Variants in GPR107 observed in about 807,000 individuals in gnomAD.
GPR107 encodes G protein-coupled receptor 107.
In GPR107, 31 loss-of-function variants were observed where a neutral mutation model predicts 75.5. The ratio of observed to expected loss-of-function variants is 0.41; its 90% CI spans 0.31 to 0.55. The LOEUF (loss-of-function observed/expected upper bound fraction) is 0.55, where lower values mean the gene tolerates loss of function less well. GPR107 is among the 20% of genes least tolerant of loss of function. GPR107 has a pLI of 0.26. For synonymous variants in GPR107, 267 were observed against 251.3 expected (o/e 1.06, Z -0.59); for missense variants, 572 against 665.7 (o/e 0.86, Z 1.55).
intron 14 of GPR107, among the ~76,000 whole-genome samples, chr9:130,120,125 C>T (rs1831515605): frequency 1.3e-5 from 2 of 152,208 alleles, no homozygotes; most frequent in Non-Finnish European, 2.9e-5. Flanking sequence ...CAACTGTGAG[C>T]TCTGCTTATT....
intron 1 of GPR107, among the ~76,000 whole-genome samples, chr9:130,058,569 A>G (rs1316158631): frequency 6.6e-6 from 1 of 151,504 alleles, no homozygotes; most frequent in Non-Finnish European, 1.5e-5. Flanking sequence ...GGTTCAGGCG[A>G]TTCTCCTGCC....
intron 14 of GPR107, among the ~76,000 whole-genome samples, chr9:130,124,097 C>T (rs946026152): frequency 1.3e-5 from 2 of 152,216 alleles, no homozygotes; most frequent in South Asian, 2.1e-4. Flanking sequence ...CCTCCCTCCC[C>T]GACAACTAAT....
Position 130,076,431 on chromosome 9 carries a change from G to A in GPR107, c.275G>A (p.Arg92His), listed in dbSNP as rs201707508. The A allele has an allele frequency of 6.6e-5, 104 of 1,575,880 alleles. No homozygotes were observed. The highest frequency in any genetic ancestry group is 8.1e-5 in the African/African-American group (6 of 74,164). Residue 92 changes from arginine to histidine, a missense_variant, in exon 3 of 18, where the codon CGT (arginine) becomes CAT (histidine). Arg to His is a conservative substitution (Grantham distance 29). Transcript: ENST00000347136. ...KDVTIGFSLD[R>H]TKNDGFSSYL... ...CATTAGATTGGATTTAGCCTAGACC[G>A]TACAAAGAATGATGGCTTTTCTTCT... is the stretch of plus-strand genomic sequence containing the variant.
At position 130,057,055 on chromosome 9, in the gene GPR107, T is replaced by C. The variant is rs188936797; in HGVS notation, c.141+2982T>C. On this transcript the variant is annotated intron_variant, in intron 1 of 17. Transcript: ENST00000347136. ...TCTTGCCCAAGGAAATGGAAATCATTTGAAGAGAGCCTGTCAGAGCAGCAA... is the reference window on the plus strand; with the variant it reads ...TCTTGCCCAAGGAAATGGAAATCATCTGAAGAGAGCCTGTCAGAGCAGCAA... 3.8e-3 allele frequency among the ~76,000 whole-genome samples: 574 copies of C among 151,862 alleles called. 6 individuals are homozygous for C. The highest frequency in any genetic ancestry group is 5.6e-3 in the Non-Finnish European group (381 of 67,984).
At position 130,107,716 on chromosome 9, in the gene GPR107, G is replaced by T. The variant is rs1200468035; in HGVS notation, c.1306+177G>T. Among the ~76,000 whole-genome samples, 3 of 152,174 alleles carry T rather than the reference G, an allele frequency of 2.0e-5. No homozygotes were observed. The East Asian group carries it at 5.8e-4, about 29-fold the overall frequency. On this transcript the variant is annotated intron_variant, in intron 14 of 17. Transcript: ENST00000347136. ...AGCCAGGGGTAGTTTGGAGAAGGAG[G>T]TGTTGAGTCAGTTGTATAAGGAGGA...
At position 130,137,519 on chromosome 9, in the gene GPR107, A is replaced by G. The variant is rs1477958313; in HGVS notation, c.*2398A>G. 2 of 152,278 alleles carry G rather than the reference A, an allele frequency of 1.3e-5. No homozygotes were observed. The highest frequency in any genetic ancestry group is 2.4e-5 in the African/African-American group (1 of 41,480). The allele number at this position is 152,278 out of a possible 1,614,324, so 9.4% of individuals were successfully genotyped here. A position where few individuals can be genotyped will look rare whatever the true frequency, so the allele number is the denominator to read the frequency against. ...GGCCATGTCTGTATTGTAACTGGTA[A>G]AAGGCTTCAAGTCAGATTGATGATC... On this transcript the variant is annotated 3_prime_UTR_variant, in exon 18 of 18. Coordinates refer to ENST00000347136, the MANE Select transcript of GPR107 (RefSeq NM_020960.5).
At chr9:130,054,479 C>A (rs1829688261) in intron 1 of GPR107, among the ~76,000 whole-genome samples, 1 of 152,174 alleles carries the variant, frequency 6.6e-6, no homozygotes, top group Non-Finnish European at 1.5e-5. Flanking sequence ...TGTACTGTAC[C>A]GGCGGTTTGA....
Position 130,099,520 on chromosome 9 carries a change from G to A in GPR107, c.927G>A (p.Leu309=), listed in dbSNP as rs1405632030. The A allele has an allele frequency of 6.3e-7, 1 of 1,588,092 alleles. No individual in the cohort carries two copies. Among genetic ancestry groups the A allele is most frequent in the East Asian group, 2.2e-5 (1 of 44,730 alleles). Residue 309 remains leucine (L), a synonymous_variant, in exon 10 of 18, where the codon TTG becomes TTA. Transcript: ENST00000347136. The part of the protein sequence containing the change: ...AALPFTKSLS[L]VFHAIDYHYI... The stretch of plus-strand genomic sequence containing the variant: ...TTCCTTTCACCAAGTCTCTTTCCTT[G>A]GTGTTCCATGCAGTATGTATTAGCA...
intron 6 of GPR107, 78 bp from the exon 7 acceptor site, chr9:130,086,342 T>G: frequency 2.6e-6 from 2 of 766,908 alleles, no homozygotes; most frequent in Non-Finnish European, 4.5e-6. Context: ...ACATGTTTTG[T>G]TTTGTTTAAT....
chr9:130,133,716 C>A (rs1564689135), intron 17 of GPR107, among the ~76,000 whole-genome samples: 2 of 152,202 alleles, frequency 1.3e-5, no homozygotes, highest in South Asian at 2.1e-4. Flanking sequence ...CTTTTAGAGT[C>A]ACTTATAGCA....
In GPR107 at chr9:130,137,698, C is replaced by A. The variant is rs78119733; in HGVS notation, c.*2577C>A. 6.6e-6 allele frequency: 1 copy of A among 152,236 alleles called. No homozygotes were observed. The highest frequency in any genetic ancestry group is 2.4e-5 in the African/African-American group (1 of 41,456). 9.4% of individuals were successfully genotyped at this position (152,236 alleles called of 1,614,324 possible). A position where few individuals can be genotyped will look rare whatever the true frequency, so the allele number is the denominator to read the frequency against. On this transcript the variant is annotated 3_prime_UTR_variant, in exon 18 of 18. Transcript: ENST00000347136. ...GACCCACCGTTCATCTCTGCTCTTG[C>A]GTAAAGATGACCGATGGAGTCCAAA...
intron 4 of GPR107, among the ~76,000 whole-genome samples, chr9:130,078,626 A>G (rs1830417668): frequency 6.6e-6 from 1 of 152,118 alleles, no homozygotes; most frequent in Non-Finnish European, 1.5e-5. Context: ...TGCTGATGTT[A>G]GGGACTCTGG....
At chr9:130,093,254 T>C (rs1830784447) in intron 9 of GPR107, among the ~76,000 whole-genome samples, 1 of 152,182 alleles carries the variant, frequency 6.6e-6, no homozygotes, top group Admixed American at 6.5e-5. Context: ...TGTACTTGGT[T>C]CTTGAGGGGA....
chr9:130,092,191 CTGAATAAGGGATGATATGTTT>C (rs1430844909), intron 8 of GPR107, 36 bp from the exon 9 acceptor site: 4 of 1,464,464 alleles, frequency 2.7e-6, no homozygotes, highest in Non-Finnish European at 3.8e-6. Context: ...TTCCAAATTG[CTGAATAAGGGATGATATGTTT>C]CTGAAAAGTA....
chr9:130,090,585 A>G (rs1295854640), intron 7 of GPR107, among the ~76,000 whole-genome samples: 1 of 152,194 alleles, frequency 6.6e-6, no homozygotes, highest in Non-Finnish European at 1.5e-5. Context: ...TCACTATACA[A>G]TTGTCAGCTG....
At chr9:130,126,561 G>T (rs1378216627) in intron 15 of GPR107, among the ~76,000 whole-genome samples, 2 of 152,044 alleles carry the variant, frequency 1.3e-5, no homozygotes, top group African/African-American at 4.8e-5. Context: ...TGTTGGTCAG[G>T]CTGGTCTCGA....
In GPR107 at chr9:130,086,465, G is replaced by A; in HGVS notation, c.610G>A (p.Val204Met). 1 of 1,545,270 alleles carries A rather than the reference G, an allele frequency of 6.5e-7. No individual in the cohort carries two copies. The highest frequency in any genetic ancestry group is 8.9e-7 in the Non-Finnish European group (1 of 1,117,428). Residue 204 changes from valine to methionine, a missense_variant, in exon 7 of 18, where the codon GTG becomes ATG. Physicochemically the swap from Val to Met is conservative, Grantham distance 21. Transcript: ENST00000347136. Reference sequence around the variant, plus strand: ...TTCTGTTCATAATAATGGTGGGGCAGTGTCATTTCAGGTATGTATGCTCTT... The same window carrying A: ...TTCTGTTCATAATAATGGTGGGGCAATGTCATTTCAGGTATGTATGCTCTT... ...SFSVHNNGGA[V>M]SFQFFFNIST...
chr9:130,054,171 C>T (rs900192588), intron 1 of GPR107, 98 bp downstream of exon 1: 1 of 1,161,844 alleles, frequency 8.6e-7, no homozygotes, highest in South Asian at 1.6e-5. Context: ...AGCCACTGGA[C>T]CACCTCTTTG....
chr9:130,076,286 T>G, intron 2 of GPR107, 126 bp from the exon 3 acceptor site: 1 of 598,700 alleles, frequency 1.7e-6, no homozygotes, highest in East Asian at 2.7e-5. Flanking sequence ...CTTTGCCTTC[T>G]TACAAAATGA....
Sources: allele counts gnomAD v4.1 joint callset (sites outside exome capture counted in the v4.1 genomes callset), GRCh38; gene constraint gnomAD v4.1.1; transcripts MANE v1.5; gene names NCBI Gene and HGNC (gene_info 2026-07-23, HGNC 2026-07-21).